KIAA0930: variants seen among roughly 807,000 people sequenced by gnomAD.
The protein encoded by KIAA0930 is KIAA0930, also known as uncharacterized protein KIAA0930.
In KIAA0930, 24 loss-of-function variants were observed where a neutral mutation model predicts 43.9. The ratio of observed to expected loss-of-function variants is 0.55; its 90% CI spans 0.40 to 0.77. The LOEUF is 0.77. Ranked by LOEUF, KIAA0930 falls within the 30% of genes least tolerant of loss-of-function variation. The pLI is 0.00. For missense variants in KIAA0930, 461 were observed against 574.2 expected, an observed-to-expected ratio of 0.80 and a Z score of 2.02; for synonymous variants, 259 against 216.4, an observed-to-expected ratio of 1.20 and a Z score of -1.73.
chr22:45,200,276 C>G lies in KIAA0930; in HGVS notation c.853-241G>C, dbSNP rs575447017. ...CAGTGCTACCCGAGGAGGGGCCAGGCTGCTGCCGCAAATGGCAGAAAGACC... is the reference window on the plus strand; with the variant it reads ...CAGTGCTACCCGAGGAGGGGCCAGGGTGCTGCCGCAAATGGCAGAAAGACC... On this transcript the variant is annotated intron_variant, in intron 7 of 9. Transcript: ENST00000336156. 7.6e-5 allele frequency: 33 copies of G among 434,212 alleles called. 1 individual carries two copies. The highest frequency in any genetic ancestry group is 1.2e-3 in the Middle Eastern group (2 of 1,714). 26.9% of individuals were successfully genotyped at this position (434,212 alleles called of 1,614,324 possible). A position where few individuals can be genotyped will look rare whatever the true frequency, so the allele number is the denominator to read the frequency against.
intron 1 of KIAA0930, among the ~76,000 whole-genome samples, chr22:45,232,062 G>A (rs2083857424): frequency 6.6e-6 from 1 of 152,150 alleles, no homozygotes; most frequent in South Asian, 2.1e-4. Context: ...TGCCTATGAA[G>A]CAAGGTTTCA....
chr22:45,237,492 G>A (rs738180), intron 1 of KIAA0930, among the ~76,000 whole-genome samples: 43,629 of 152,108 alleles, frequency 0.29, 6,840 homozygotes, highest in African/African-American at 0.41. Flanking sequence ...TGACCCCTGA[G>A]TGAGGAGGGC....
chr22:45,212,184 C>T (rs778002612), intron 1 of KIAA0930, 77 bp from the exon 2 acceptor site: 32 of 1,613,008 alleles, frequency 2.0e-5, no homozygotes, highest in Non-Finnish European at 2.5e-5. Context: ...CCAAGCTGCG[C>T]CCATACCCCC....
intron 1 of KIAA0930, 171 bp from the exon 2 acceptor site, chr22:45,212,278 A>G: frequency 6.2e-7 from 1 of 1,613,332 alleles, no homozygotes; most frequent in African/African-American, 1.3e-5. Flanking sequence ...TGGAGCATCC[A>G]GAGAGGCTGG....
At position 45,193,376 on chromosome 22, in the gene KIAA0930, CATT is replaced by C. The variant is rs1251122670; in HGVS notation, c.*3797_*3799del. 4.6e-5 allele frequency: 7 copies of C among 152,128 alleles called. No individual in the cohort carries two copies. Among genetic ancestry groups the C allele is most frequent in the African/African-American group, 1.7e-4 (7 of 41,426 alleles). 9.4% of individuals were successfully genotyped at this position (152,128 alleles called of 1,614,324 possible). On this transcript the variant is annotated 3_prime_UTR_variant, in exon 10 of 10. Transcript: ENST00000336156. ...CATATTAGGACATGGTCCAGGCAGT[CATT>C]AGAATATACTGGCTGCACAGGGCCT...
At chr22:45,224,614 G>A (rs1396500780) in intron 1 of KIAA0930, among the ~76,000 whole-genome samples, 1 of 152,234 alleles carries the variant, frequency 6.6e-6, no homozygotes, top group African/African-American at 2.4e-5. Flanking sequence ...TTCAGTGGAA[G>A]CAGGATGAAT....
rs533127724 is a variant in KIAA0930, at chr22:45,193,765, C to CT, written c.*3410dup. 6.6e-4 allele frequency: 100 copies of CT among 152,336 alleles called. 1 individual carries two copies. Among genetic ancestry groups the CT allele is most frequent in the African/African-American group, 2.4e-3 (98 of 41,572 alleles). 9.4% of individuals were successfully genotyped at this position (152,336 alleles called of 1,614,324 possible). On this transcript the variant is annotated 3_prime_UTR_variant, in exon 10 of 10. Transcript: ENST00000336156. ...TTTTGAAATAATAAGCCTTAGCTGG[C>CT]TTTGCAGGCAACTAGGCACTTCCAG...
chr22:45,208,341 G>T (rs1306634442), intron 2 of KIAA0930, among the ~76,000 whole-genome samples: 2 of 149,508 alleles, frequency 1.3e-5, no homozygotes, highest in South Asian at 4.2e-4. Flanking sequence ...CATGAGCTGT[G>T]AGAACAGGCA....
intron 1 of KIAA0930, among the ~76,000 whole-genome samples, chr22:45,238,470 A>G (rs1189982508): frequency 6.6e-6 from 1 of 152,208 alleles, no homozygotes; most frequent in East Asian, 1.9e-4. Flanking sequence ...GATTGTCCCA[A>G]CAAACATGTG....
chr22:45,194,559 G>C lies in KIAA0930; in HGVS notation c.*2617C>G, dbSNP rs774111006. ...AGAAAAATTAAAGATGGTCTTACAA[G>C]AAGTACAAATGTGCCAACACCAGGA... On this transcript the variant is annotated 3_prime_UTR_variant, in exon 10 of 10. Transcript: ENST00000336156. The C allele has an allele frequency of 1.4e-4, 21 of 152,178 alleles. No homozygotes were observed. The highest frequency in any genetic ancestry group is 2.2e-4 in the Non-Finnish European group (15 of 68,038). The allele number at this position is 152,178 out of a possible 1,614,324, so 9.4% of individuals were successfully genotyped here. A position where few individuals can be genotyped will look rare whatever the true frequency, so the allele number is the denominator to read the frequency against.
intron 4 of KIAA0930, 74 bp downstream of exon 4, chr22:45,205,556 G>A: frequency 2.9e-6 from 4 of 1,402,430 alleles, no homozygotes; most frequent in Non-Finnish European, 4.0e-6. Context: ...GCAAGCAGGA[G>A]GACTTGTCTC....
intron 1 of KIAA0930, among the ~76,000 whole-genome samples, chr22:45,230,179 A>C (rs545396356): frequency 1.7e-4 from 26 of 152,314 alleles, no homozygotes; most frequent in African/African-American, 5.8e-4. Context: ...GCTGAGGGGC[A>C]AGGGAGGGCT....
At chr22:45,200,821 G>A (rs559820824) in intron 7 of KIAA0930, 4 of 460,942 alleles carry the variant, frequency 8.7e-6, no homozygotes, top group African/African-American at 6.0e-5. Context: ...TGCTGGCTGT[G>A]GAGACAGAGA....
At chr22:45,211,470 T>C (rs2083692546) in intron 2 of KIAA0930, 2 of 401,596 alleles carry the variant, frequency 5.0e-6, no homozygotes, top group Admixed American at 8.6e-5. Flanking sequence ...TGTCGAGTTG[T>C]TGGGACTTCA....
chr22:45,237,070 AGGCCCAG>A (rs2083892367), intron 1 of KIAA0930, among the ~76,000 whole-genome samples: 2 of 152,246 alleles, frequency 1.3e-5, no homozygotes, highest in Non-Finnish European at 1.5e-5. Flanking sequence ...GCTTGGGCTG[AGGCCCAG>A]GGCCCAGGAG....
In KIAA0930 at chr22:45,201,059, T is replaced by G. The variant is rs370674782; in HGVS notation, c.853-1024A>C. On this transcript the variant is annotated intron_variant, in intron 7 of 9. Transcript: ENST00000336156. ...TCTGAGGAGCAGGATGAGCTGGGACTGAGACTTCGGGAGCCCCGTCAGCCT... is the reference window on the plus strand; with the variant it reads ...TCTGAGGAGCAGGATGAGCTGGGACGGAGACTTCGGGAGCCCCGTCAGCCT... The G allele has an allele frequency of 2.6e-4, 129 of 501,244 alleles. 2 individuals are homozygous for G. Among genetic ancestry groups the G allele is most frequent in the South Asian group, 1.9e-3 (127 of 66,606 alleles). 31.0% of individuals were successfully genotyped at this position (501,244 alleles called of 1,614,324 possible).
Position 45,198,625 on chromosome 22 carries a change from G to A in KIAA0930, c.1016-677C>T, listed in dbSNP as rs578146536. On this transcript the variant is annotated intron_variant, in intron 8 of 9. Coordinates refer to ENST00000336156, the MANE Select transcript of KIAA0930 (RefSeq NM_001009880.2). ...TCCCTGCTGGGGGAGGTGCTCAGTG[G>A]GAGTTGTCAGCGAATCCTTCACGTC... 4.6e-5 allele frequency among the ~76,000 whole-genome samples: 7 copies of A among 152,326 alleles called. 1 individual carries two copies. In the South Asian group the frequency reaches 1.4e-3, roughly 32 times the overall value.
At chr22:45,231,235 A>G (rs1239708316) in intron 1 of KIAA0930, among the ~76,000 whole-genome samples, 2 of 151,934 alleles carry the variant, frequency 1.3e-5, no homozygotes, top group Non-Finnish European at 2.9e-5. Context: ...AAAAAAAAAA[A>G]AAAAAGAAAG....
chr22:45,219,444 A>T (rs1225226279), intron 1 of KIAA0930, among the ~76,000 whole-genome samples: 2 of 152,140 alleles, frequency 1.3e-5, no homozygotes. Context: ...CCATTAAACC[A>T]CACAAGCAAG....
Sources: allele counts gnomAD v4.1 joint callset (sites outside exome capture counted in the v4.1 genomes callset), GRCh38; gene constraint gnomAD v4.1.1; transcripts MANE v1.5; gene names NCBI Gene and HGNC (gene_info 2026-07-23, HGNC 2026-07-21).